SVIL: variants seen among roughly 807,000 people sequenced by gnomAD.
SVIL encodes the protein archvillin.
Under a neutral mutation model 240.4 loss-of-function variants are expected in SVIL, and 101 were observed. That is an observed-to-expected ratio of 0.42 (90% CI 0.36 to 0.50). The LOEUF (loss-of-function observed/expected upper bound fraction) is 0.50, where lower values mean the gene tolerates loss of function less well. Among genes scored for constraint, SVIL ranks in the 20% least tolerant of loss-of-function variants. The pLI is 0.01. For synonymous variants in SVIL, 999 were observed against 1,100.0 expected (o/e 0.91, Z 1.82); for missense variants, 2,512 against 2,818.7 (o/e 0.89, Z 2.46).
chr10:29,564,371 G>T (rs781270948), intron 2 of SVIL, among the ~76,000 whole-genome samples: 1 of 152,154 alleles, frequency 6.6e-6, no homozygotes, highest in Admixed American at 6.5e-5. Flanking sequence ...CCAACTCCAT[G>T]GTCTTTGATG....
At chr10:29,500,139 CA>C (rs1564524838) in intron 17 of SVIL, among the ~76,000 whole-genome samples, 1 of 151,928 alleles carries the variant, frequency 6.6e-6, no homozygotes, top group Non-Finnish European at 1.5e-5. Context: ...GAGGGAGGGA[CA>C]GGAGCAGCGA....
chr10:29,682,677 TTGG>T (rs756530984), intron 2 of SVIL, among the ~76,000 whole-genome samples: 3 of 152,230 alleles, frequency 2.0e-5, no homozygotes, highest in Non-Finnish European at 4.4e-5. Flanking sequence ...TTAGACAGGC[TTGG>T]TGAAGAAAGA....
intron 2 of SVIL, among the ~76,000 whole-genome samples, chr10:29,672,837 C>T (rs1959887454): frequency 6.6e-6 from 1 of 151,864 alleles, no homozygotes; most frequent in African/African-American, 2.4e-5. Context: ...GGAAAAAATT[C>T]CATATCTTGT....
chr10:29,490,268 C>T (rs1032223866), intron 22 of SVIL, among the ~76,000 whole-genome samples: 7 of 152,096 alleles, frequency 4.6e-5, no homozygotes, highest in African/African-American at 1.7e-4. Flanking sequence ...GGATTAGATA[C>T]TCCAGTGATT....
intron 2 of SVIL, among the ~76,000 whole-genome samples, chr10:29,665,500 A>G (rs928680277): frequency 2.0e-5 from 3 of 152,112 alleles, no homozygotes; most frequent in Non-Finnish European, 4.4e-5. Flanking sequence ...TACCAGACTT[A>G]AAAACCTACT....
Position 29,715,949 on chromosome 10 carries a change from C to T in SVIL, c.-400+19802G>A, listed in dbSNP as rs184694452. On this transcript the variant is annotated intron_variant, in intron 1 of 35. Coordinates refer to the SVIL transcript ENST00000375400. ...GAATGTCAACTTTTAATTAATTTCA[C>T]ATGATTTTATTTAAATGTAAAAACT... Among the ~76,000 whole-genome samples the T allele has an allele frequency of 7.2e-5, 11 of 152,324 alleles. No homozygotes were observed. In the East Asian group the frequency reaches 1.9e-3, roughly 27 times the overall value.
rs1039710244 is a variant in SVIL, at chr10:29,532,699, C to T, written c.1668G>A (p.Gln556=). The change falls in exon 8 of 38, where the codon CAG becomes CAA. Residue 556 remains glutamine (Q), a synonymous_variant. Coordinates refer to ENST00000355867, the MANE Select transcript of SVIL (RefSeq NM_021738.3). ...GGTCCTTATACTTCAAGGCCTGGAG[C>T]TGAGGGGGGCCTGTGAAATCTGACA... is the stretch of plus-strand genomic sequence containing the variant. The part of the protein sequence containing the change: ...RSLSDFTGPP[Q]LQALKYKDPA... The T allele has an allele frequency of 6.2e-7, 1 of 1,614,194 alleles. No homozygotes were observed. The highest frequency in any genetic ancestry group is 2.2e-5 in the East Asian group (1 of 44,864).
intron 36 of SVIL, 25 bp from the exon 37 acceptor site, chr10:29,458,614 G>A (rs780870830): frequency 6.2e-7 from 1 of 1,607,346 alleles, no homozygotes; most frequent in Admixed American, 1.7e-5. Flanking sequence ...GGGGCAGAGA[G>A]GAGAGCTCGT....
intron 29 of SVIL, among the ~76,000 whole-genome samples, chr10:29,479,625 A>G (rs1946606813): frequency 6.6e-6 from 1 of 152,214 alleles, no homozygotes; most frequent in Admixed American, 6.5e-5. Flanking sequence ...TCCGTAGAGT[A>G]GGTGCTCAGG....
chr10:29,496,348 GATAA>G (rs1188379196), intron 18 of SVIL: 2 of 451,480 alleles, frequency 4.4e-6, no homozygotes, highest in Non-Finnish European at 8.9e-6. Flanking sequence ...CTTGAAAGAT[GATAA>G]ATAAAATCTG....
intron 1 of SVIL, among the ~76,000 whole-genome samples, chr10:29,700,537 C>G (rs1962435070): frequency 7.0e-6 from 1 of 143,156 alleles, no homozygotes; most frequent in Non-Finnish European, 1.5e-5. Flanking sequence ...GTAGTGCGAT[C>G]TCAGCTCACT....
At chr10:29,596,086 C>T (rs550881037) in intron 1 of SVIL, among the ~76,000 whole-genome samples, 3 of 152,356 alleles carry the variant, frequency 2.0e-5, no homozygotes, top group South Asian at 2.1e-4. Context: ...AAGCACCACA[C>T]ACCCCTTCTC....
intron 3 of SVIL, among the ~76,000 whole-genome samples, chr10:29,559,058 C>T (rs531461651): frequency 1.2e-4 from 18 of 150,752 alleles, no homozygotes; most frequent in Non-Finnish European, 2.5e-4. Context: ...TAGCATAAAG[C>T]CAATACTAAA....
At chr10:29,687,197 A>G (rs953708240) in intron 1 of SVIL, among the ~76,000 whole-genome samples, 33 of 152,336 alleles carry the variant, frequency 2.2e-4, no homozygotes, top group African/African-American at 7.9e-4. Context: ...ACTAAAGTCT[A>G]TTCGATTCCG....
At chr10:29,508,101 T>C (rs373842018) in intron 17 of SVIL, 174 of 296,728 alleles carry the variant, frequency 5.9e-4, no homozygotes, top group African/African-American at 3.5e-3. Context: ...ATGACTTTCA[T>C]TGACAGTTTT....
At chr10:29,732,671 G>T (rs73596082) in intron 1 of SVIL, among the ~76,000 whole-genome samples, 24,241 of 152,102 alleles carry the variant, frequency 0.16, 2,362 homozygotes, top group African/African-American at 0.26. Flanking sequence ...CTATCAACTT[G>T]GTGGTTCACC....
chr10:29,619,837 ACAAACTACATTTTTAAAAAGATTATTG>A (rs1957563421), intron 1 of SVIL, among the ~76,000 whole-genome samples: 2 of 152,250 alleles, frequency 1.3e-5, no homozygotes, highest in African/African-American at 4.8e-5. Context: ...AAATATTATG[ACAAACTACATTTTTAAAAAGATTATTG>A]CAAACTACAT....
intron 2 of SVIL, among the ~76,000 whole-genome samples, chr10:29,666,874 T>C (rs1959341600): frequency 6.6e-6 from 1 of 152,212 alleles, no homozygotes; most frequent in Non-Finnish European, 1.5e-5. Context: ...AAACCTCATC[T>C]TGAATTGTAG....
At chr10:29,485,682 A>G (rs1424653228) in intron 26 of SVIL, among the ~76,000 whole-genome samples, 3 of 152,244 alleles carry the variant, frequency 2.0e-5, no homozygotes, top group Admixed American at 6.5e-5. Flanking sequence ...ATAAATATTT[A>G]CTGCTGTGAC....
Sources: gnomAD v4.1 joint callset for allele counts (sites outside exome capture counted in the v4.1 genomes callset) on GRCh38, gnomAD v4.1.1 for gene constraint, MANE v1.5 for transcripts, NCBI Gene and HGNC (gene_info 2026-07-23, HGNC 2026-07-21) for gene names.